BICRAL: variants seen among roughly 807,000 people sequenced by gnomAD.
BICRAL encodes the protein BICRA like chromatin remodeling complex associated protein.
In BICRAL, 8 loss-of-function variants were observed where a neutral mutation model predicts 91.8. The observed-to-expected ratio is 0.09, with a 90% CI of 0.05 to 0.16. BICRAL has a LOEUF of 0.16. Among genes scored for constraint, BICRAL ranks in the 10% least tolerant of loss-of-function variants. The pLI, the probability that BICRAL is intolerant of heterozygous loss-of-function variation, is 1.00. For synonymous variants in BICRAL, 445 were observed against 491.1 expected (o/e 0.91, Z 1.24); for missense variants, 1,038 against 1,310.9 (o/e 0.79, Z 3.21).
In BICRAL at chr6:42,830,280, T is replaced by G. The variant is rs1764436618; in HGVS notation, c.1839+108T>G. On this transcript the variant is annotated intron_variant, in intron 6 of 12. Coordinates refer to ENST00000314073, the MANE Select transcript of BICRAL (RefSeq NM_001393499.1). The stretch of plus-strand genomic sequence containing the variant: ...CCTAGGCATCCAATTTCTTAAAAAT[T>G]TTAGGCCAGGTGTAGTGGCTCATGC... 4 of 1,243,980 alleles carry G rather than the reference T, an allele frequency of 3.2e-6. No homozygotes were observed. The Admixed American group carries it at 8.6e-5, about 27-fold the overall frequency. 77.1% of individuals were successfully genotyped at this position (1,243,980 alleles called of 1,614,324 possible). A position where few individuals can be genotyped will look rare whatever the true frequency, so the allele number is the denominator to read the frequency against.
chr6:42,867,237 C>G lies in BICRAL; in HGVS notation c.*1791C>G, dbSNP rs1765737241. On this transcript the variant is annotated 3_prime_UTR_variant, in exon 13 of 13. Coordinates refer to ENST00000314073, the MANE Select transcript of BICRAL (RefSeq NM_001393499.1). ...GACCTATACCCCGGTGCCCCTGTGT[C>G]CCACTACACACAGAAAACCCTGTGA... is the stretch of plus-strand genomic sequence containing the variant. 1 of 169,930 alleles carries G rather than the reference C, an allele frequency of 5.9e-6. No homozygotes were observed. The highest frequency in any genetic ancestry group is 2.4e-5 in the African/African-American group (1 of 42,064). 10.5% of individuals were successfully genotyped at this position (169,930 alleles called of 1,614,324 possible).
At chr6:42,853,784 G>C in intron 8 of BICRAL, 46 bp downstream of exon 8, 1 of 1,324,474 alleles carries the variant, frequency 7.6e-7, no homozygotes, top group Non-Finnish European at 1.1e-6. Flanking sequence ...CGGCATAATT[G>C]AATGAAAATG....
At chr6:42,788,385 C>T (rs1237598432) in intron 1 of BICRAL, among the ~76,000 whole-genome samples, 1 of 151,968 alleles carries the variant, frequency 6.6e-6, no homozygotes, top group Non-Finnish European at 1.5e-5. Flanking sequence ...CCACCACACC[C>T]AGCTAATTTT....
chr6:42,778,610 T>C (rs1051304263), upstream of BICRAL, among the ~76,000 whole-genome samples: 1 of 152,178 alleles, frequency 6.6e-6, no homozygotes, highest in African/African-American at 2.4e-5. Context: ...GTTTGTTAGG[T>C]CATTTTTCAA....
At chr6:42,761,003 G>A (rs184256590) in intron 1 of BICRAL, among the ~76,000 whole-genome samples, 2 of 149,470 alleles carry the variant, frequency 1.3e-5, no homozygotes, top group South Asian at 2.1e-4. Context: ...GCCTGATCAC[G>A]CCACTGCATT....
chr6:42,864,436 G>A (rs1430012259), intron 12 of BICRAL, among the ~76,000 whole-genome samples: 2 of 152,182 alleles, frequency 1.3e-5, no homozygotes, highest in African/African-American at 4.8e-5. Context: ...TTTTCAAAAG[G>A]TTTAAGCTCC....
intron 1 of BICRAL, among the ~76,000 whole-genome samples, chr6:42,770,412 A>ATTTTT (rs531644287): frequency 4.0e-5 from 5 of 126,224 alleles, no homozygotes; most frequent in African/African-American, 1.6e-4. Flanking sequence ...TATTATTATT[A>ATTTTT]TTTTTTTTTT....
chr6:42,800,817 C>A (rs952046593), intron 1 of BICRAL, among the ~76,000 whole-genome samples: 28 of 152,150 alleles, frequency 1.8e-4, no homozygotes, highest in Admixed American at 2.6e-4. Flanking sequence ...TGTTTGTTAA[C>A]ATTGTTATTT....
intron 6 of BICRAL, among the ~76,000 whole-genome samples, chr6:42,831,130 C>T (rs536360409): frequency 6.6e-6 from 1 of 152,274 alleles, no homozygotes; most frequent in South Asian, 2.1e-4. Flanking sequence ...TAGACATAGA[C>T]CCTGGCAAAT....
rs1323866827 is a variant in BICRAL at position 42,859,786 on chromosome 6, T to C, written c.2255-476T>C. On this transcript the variant is annotated intron_variant, in intron 10 of 12. Coordinates refer to ENST00000314073, the MANE Select transcript of BICRAL (RefSeq NM_001393499.1). ...CCTCTCGAGTAGCTGGGACTAGAGGTGCCCGCCACCACGCCCAGCTAATTT... is the reference window on the plus strand; with the variant it reads ...CCTCTCGAGTAGCTGGGACTAGAGGCGCCCGCCACCACGCCCAGCTAATTT... 2.6e-5 allele frequency among the ~76,000 whole-genome samples: 4 copies of C among 151,728 alleles called. No homozygotes were observed. In the East Asian group the frequency reaches 7.7e-4, roughly 29 times the overall value.
intron 6 of BICRAL, among the ~76,000 whole-genome samples, chr6:42,840,140 A>C (rs897542869): frequency 6.6e-6 from 1 of 152,172 alleles, no homozygotes; most frequent in African/African-American, 2.4e-5. Context: ...GGTTCAAGTG[A>C]TTCTCCCACC....
In BICRAL at chr6:42,829,176, A is replaced by G. The variant is rs1308887718; in HGVS notation, c.843A>G (p.Pro281=). The part of the protein sequence containing the change: ...SSPVAQPVTV[P]FNSTNFQTSL... ...CAGTAGCACAGCCTGTTACCGTTCC[A>G]TTTAACAGCACAAATTTTCAAACAT... The change falls in exon 6 of 13, where the codon CCA becomes CCG. Residue 281 remains proline, a synonymous_variant. Transcript: ENST00000314073. The G allele has an allele frequency of 6.2e-7, 1 of 1,614,172 alleles. No homozygotes were observed. Among genetic ancestry groups the G allele is most frequent in the South Asian group, 1.1e-5 (1 of 91,088 alleles).
At chr6:42,831,610 C>T (rs1764481214) in intron 6 of BICRAL, among the ~76,000 whole-genome samples, 1 of 152,186 alleles carries the variant, frequency 6.6e-6, no homozygotes, top group Non-Finnish European at 1.5e-5. Flanking sequence ...CCAGCTCCTC[C>T]TCTTCTCATC....
chr6:42,791,093 T>C (rs1763259563), intron 1 of BICRAL, among the ~76,000 whole-genome samples: 1 of 152,012 alleles, frequency 6.6e-6, no homozygotes, highest in African/African-American at 2.4e-5. Context: ...GTCAGAATGC[T>C]GTGTGGGAAG....
chr6:42,752,656 T>C (rs927304921), intron 1 of BICRAL, among the ~76,000 whole-genome samples: 2 of 151,942 alleles, frequency 1.3e-5, no homozygotes, highest in African/African-American at 4.8e-5. Context: ...CAGGCTGGAG[T>C]GCAGTGGCGC....
intron 1 of BICRAL, among the ~76,000 whole-genome samples, chr6:42,747,770 G>T (rs1437340598): frequency 2.6e-5 from 4 of 151,666 alleles, no homozygotes; most frequent in Non-Finnish European, 2.9e-5. Flanking sequence ...GGCAGATTAG[G>T]TGAGGCTTCT....
In BICRAL at chr6:42,853,700, A is replaced by G; in HGVS notation, c.2008A>G (p.Lys670Glu). Reference protein sequence around the residue: ...SLGTAQPQQEKVVGSSPGHPA... With the variant: ...SLGTAQPQQEEVVGSSPGHPA... ...AGGAACCGCACAACCACAGCAGGAA[A>G]AAGTAGTTGGATCATCTCCTGGCCA... The change falls in exon 8 of 13, where the codon AAA (lysine) becomes GAA (glutamate). Residue 670 changes from lysine (K) to glutamate (E), a missense_variant. This residue lies in a region of BICRAL where 532 missense variants were observed against 724.9 expected (regional missense o/e 0.73). Coordinates refer to ENST00000314073, the MANE Select transcript of BICRAL (RefSeq NM_001393499.1). 6.2e-7 allele frequency: 1 copy of G among 1,614,040 alleles called. No individual in the cohort carries two copies. Among genetic ancestry groups the G allele is most frequent in the Non-Finnish European group, 8.5e-7 (1 of 1,179,862 alleles).
At chr6:42,807,674 C>T (rs1244847006) in intron 1 of BICRAL, among the ~76,000 whole-genome samples, 5 of 151,302 alleles carry the variant, frequency 3.3e-5, no homozygotes, top group South Asian at 4.2e-4. Context: ...GGCGTGGTGG[C>T]GCGTGCTTGT....
At chr6:42,756,114 A>G (rs1295973132) in intron 1 of BICRAL, among the ~76,000 whole-genome samples, 1 of 152,144 alleles carries the variant, frequency 6.6e-6, no homozygotes, top group African/African-American at 2.4e-5. Flanking sequence ...TCCCCTAACA[A>G]TAGACTTTTA....
Sources: gnomAD v4.1 joint callset for allele counts (sites outside exome capture counted in the v4.1 genomes callset) on GRCh38, gnomAD v4.1.1 for gene constraint, gnomAD v4.1.1 regional missense constraint, MANE v1.5 for transcripts, NCBI Gene and HGNC (gene_info 2026-07-23, HGNC 2026-07-21) for gene names.